Variants in SNX9 observed in about 807,000 individuals in gnomAD.
The protein encoded by SNX9 is sorting nexin-9.
In SNX9, 44 loss-of-function variants were observed where a neutral mutation model predicts 89.4. The ratio of observed to expected loss-of-function variants is 0.49; its 90% confidence interval spans 0.39 to 0.63. The LOEUF is 0.63. Ranked by LOEUF, SNX9 falls within the 30% of genes least tolerant of loss-of-function variation. SNX9 has a pLI of 0.00. For missense variants in SNX9, 578 were observed against 736.1 expected (o/e 0.79, Z 2.49); for synonymous variants, 236 against 247.8 (o/e 0.95, Z 0.45).
intron 5 of SNX9, among the ~76,000 whole-genome samples, chr6:157,900,998 A>C (rs777627327): frequency 2.0e-5 from 3 of 152,144 alleles, no homozygotes. Flanking sequence ...CGGTGCCCCC[A>C]TGTGTCTGTT....
rs1215807974 is a variant in SNX9 at position 157,875,188 on chromosome 6, T to A, written c.300+12T>A. 6.2e-7 allele frequency: 1 copy of A among 1,602,810 alleles called. No individual in the cohort carries two copies. Among genetic ancestry groups the A allele is most frequent in the Admixed American group, 1.7e-5 (1 of 58,788 alleles). ...GCAACAATCACCAGGTACGTCTCAC[T>A]TCCTCCTTCTGGATGTGGCTGGCTT... On this transcript the variant is annotated intron_variant, in intron 4 of 17. Transcript: ENST00000392185.
intron 1 of SNX9, among the ~76,000 whole-genome samples, chr6:157,856,506 T>G (rs977051337): frequency 6.6e-6 from 1 of 152,228 alleles, no homozygotes; most frequent in Non-Finnish European, 1.5e-5. Flanking sequence ...GCTGCTTTGA[T>G]CCCTAAAAAA....
chr6:157,840,660 TC>T (rs1304860272), intron 1 of SNX9, among the ~76,000 whole-genome samples: 1 of 152,164 alleles, frequency 6.6e-6, no homozygotes, highest in Non-Finnish European at 1.5e-5. Flanking sequence ...ACTAGGAAAA[TC>T]CTGTGCTCCA....
chr6:157,886,656 G>A (rs1003257340), intron 4 of SNX9, among the ~76,000 whole-genome samples: 1 of 152,172 alleles, frequency 6.6e-6, no homozygotes, highest in African/African-American at 2.4e-5. Context: ...GCACTTTCCT[G>A]TATCAGCTGG....
intron 4 of SNX9, among the ~76,000 whole-genome samples, chr6:157,883,914 C>G (rs1481337401): frequency 6.6e-6 from 1 of 152,052 alleles, no homozygotes; most frequent in Non-Finnish European, 1.5e-5. Flanking sequence ...ATCTTTTTTT[C>G]TATTCCCAGT....
chr6:157,905,661 T>C (rs1484821860), intron 6 of SNX9, among the ~76,000 whole-genome samples: 1 of 151,868 alleles, frequency 6.6e-6, no homozygotes, highest in Non-Finnish European at 1.5e-5. Context: ...CATATGCTGA[T>C]GAGCAGGACA....
At chr6:157,888,814 T>G (rs1315978418) in intron 4 of SNX9, among the ~76,000 whole-genome samples, 2 of 152,164 alleles carry the variant, frequency 1.3e-5, no homozygotes, top group Non-Finnish European at 2.9e-5. Context: ...ATGTAGGAAC[T>G]GGGAAGATCG....
intron 4 of SNX9, among the ~76,000 whole-genome samples, chr6:157,886,592 C>T (rs1303656695): frequency 6.6e-6 from 1 of 152,146 alleles, no homozygotes; most frequent in Non-Finnish European, 1.5e-5. Flanking sequence ...GTAATCCTTG[C>T]CAGAATCAGA....
chr6:157,899,907 G>A lies in SNX9; in HGVS notation c.473-1991G>A, dbSNP rs535688611. Among the ~76,000 whole-genome samples the A allele has an allele frequency of 7.9e-5, 12 of 152,080 alleles. No individual in the cohort carries two copies. In the South Asian group the frequency reaches 1.2e-3, roughly 16 times the overall value. ...TGATTACCTAAGTGTGTGTGTGTGC[G>A]CGTGTATATGTGCAAGTGCGTGCCT... On this transcript the variant is annotated intron_variant, in intron 5 of 17. Transcript: ENST00000392185.
chr6:157,827,438 ATATAT>A (rs1262925183), intron 1 of SNX9, among the ~76,000 whole-genome samples: 74 of 6,476 alleles, frequency 0.011, no homozygotes, highest in Non-Finnish European at 0.014. Flanking sequence ...ATATATAAAC[ATATAT>A]TATAGTTTAT....
At chr6:157,840,406 A>T (rs11269366) in intron 1 of SNX9, among the ~76,000 whole-genome samples, 26,661 of 128,772 alleles carry the variant, frequency 0.21, 3,479 homozygotes, top group African/African-American at 0.32. Context: ...TACAAAAAAT[A>T]CTTTCTTTCT....
At chr6:157,901,220 A>G (rs1783090972) in intron 5 of SNX9, among the ~76,000 whole-genome samples, 1 of 152,210 alleles carries the variant, frequency 6.6e-6, no homozygotes, top group Non-Finnish European at 1.5e-5. Context: ...TGTATTTACA[A>G]TAATCAGGAG....
At chr6:157,840,767 T>A (rs1315259314) in intron 1 of SNX9, among the ~76,000 whole-genome samples, 1 of 152,128 alleles carries the variant, frequency 6.6e-6, no homozygotes, top group African/African-American at 2.4e-5. Context: ...AGAAAAAACT[T>A]TGTAAAGAAA....
intron 10 of SNX9, among the ~76,000 whole-genome samples, chr6:157,923,342 A>G (rs1026560769): frequency 6.6e-6 from 1 of 152,220 alleles, no homozygotes; most frequent in Admixed American, 6.5e-5. Flanking sequence ...AAGAATCTGC[A>G]GAGACATTAT....
chr6:157,823,312 C>CCGCCGCGCCGG lies in SNX9; in HGVS notation c.-122_-112dup. ...ACTCGGGGCCGAGGCGGAGGAGCGG[C>CCGCCGCGCCGG]CGCCGCGCCGGGGCCCAGCCGGAGC... On this transcript the variant is annotated 5_prime_UTR_variant, in exon 1 of 18. Coordinates refer to ENST00000392185, the MANE Select transcript of SNX9 (RefSeq NM_016224.5). This position sits in a 1 kb window ranked among gnomAD's most constrained non-coding sequence, Gnocchi z 4.6. The CCGCCGCGCCGG allele has an allele frequency of 1.2e-6, 1 of 863,346 alleles. No individual in the cohort carries two copies. The highest frequency in any genetic ancestry group is 1.5e-6 in the Non-Finnish European group (1 of 677,200). 53.5% of individuals were successfully genotyped at this position (863,346 alleles called of 1,614,324 possible).
chr6:157,834,149 GGTTTTTTTTTTTTTT>G (rs1175014494), intron 1 of SNX9, among the ~76,000 whole-genome samples: 8 of 60,068 alleles, frequency 1.3e-4, no homozygotes, highest in African/African-American at 3.3e-4. Context: ...TGTCCACTGT[GGTTTTTTTTTTTTTT>G]TTTTTTTTTT....
At chr6:157,924,439 T>A (rs1193343151) in intron 10 of SNX9, 1 of 152,034 alleles carries the variant, frequency 6.6e-6, no homozygotes, top group Non-Finnish European at 1.5e-5. Context: ...GAGTTTTGGT[T>A]GAAAGGAAAG....
At chr6:157,886,903 A>G (rs947905462) in intron 4 of SNX9, among the ~76,000 whole-genome samples, 1 of 151,800 alleles carries the variant, frequency 6.6e-6, no homozygotes. Flanking sequence ...CACCTTTTGG[A>G]AGCCCATTCA....
Position 157,942,866 on chromosome 6 carries a change from G to A in SNX9, c.*28G>A, listed in dbSNP as rs749776605. On this transcript the variant is annotated 3_prime_UTR_variant, in exon 18 of 18. Coordinates refer to ENST00000392185, the MANE Select transcript of SNX9 (RefSeq NM_016224.5). ...CAGAACGGGCCTTGAAGAGAATGCC[G>A]CGTGCTTTCTCCTGACTTGGGGCAA... 1.1e-5 allele frequency: 17 copies of A among 1,602,154 alleles called. No individual in the cohort carries two copies. The highest frequency in any genetic ancestry group is 2.3e-5 in the East Asian group (1 of 44,384).
Sources: allele counts gnomAD v4.1 joint callset (sites outside exome capture counted in the v4.1 genomes callset), GRCh38; gene constraint gnomAD v4.1.1; non-coding constraint Gnocchi (gnomAD v3.1); transcripts MANE v1.5; gene names NCBI Gene and HGNC (gene_info 2026-07-23, HGNC 2026-07-21).